Variants in ZHX2 observed in about 807,000 individuals in gnomAD.
The protein encoded by ZHX2 is zinc fingers and homeoboxes 2, also known as zinc fingers and homeoboxes protein 2.
In ZHX2, 6 loss-of-function variants were observed where a neutral mutation model predicts 21.9. The ratio of observed to expected loss-of-function variants is 0.27; its 90% CI spans 0.15 to 0.54. ZHX2 has a LOEUF of 0.54. Among genes scored for constraint, ZHX2 ranks in the 20% least tolerant of loss-of-function variants. The pLI is 0.95. For synonymous variants in ZHX2, 434 were observed against 437.1 expected (o/e 0.99, Z 0.09); for missense variants, 908 against 1,090.7 (o/e 0.83, Z 2.36).
At chr8:122,945,562 G>A (rs1450266760) in intron 2 of ZHX2, among the ~76,000 whole-genome samples, 1 of 151,210 alleles carries the variant, frequency 6.6e-6, no homozygotes, top group Non-Finnish European at 1.5e-5. Flanking sequence ...GTGGATAAAA[G>A]GAAAACTGAG....
intron 1 of ZHX2, among the ~76,000 whole-genome samples, chr8:122,816,679 C>T (rs1244586286): frequency 6.6e-6 from 1 of 151,662 alleles, no homozygotes; most frequent in Admixed American, 6.6e-5. Context: ...CTAGGGCTTA[C>T]AAAAGTCATA....
At chr8:122,829,286 T>C (rs977049597) in intron 1 of ZHX2, among the ~76,000 whole-genome samples, 16 of 152,260 alleles carry the variant, frequency 1.1e-4, no homozygotes, top group Admixed American at 3.3e-4. Flanking sequence ...GGCTATCTTA[T>C]GGTACATTCC....
At chr8:122,949,212 A>G (rs1285792011) in intron 2 of ZHX2, among the ~76,000 whole-genome samples, 2 of 152,186 alleles carry the variant, frequency 1.3e-5, no homozygotes, top group Non-Finnish European at 2.9e-5. Flanking sequence ...TAATCCAACT[A>G]TGCAGGAGGC....
intron 1 of ZHX2, among the ~76,000 whole-genome samples, chr8:122,859,052 C>T (rs940788573): frequency 6.6e-6 from 1 of 152,220 alleles, no homozygotes; most frequent in African/African-American, 2.4e-5. Flanking sequence ...AAGGAGGCAG[C>T]TCTGGTTAGA....
At chr8:122,967,364 C>T (rs1813609436) in intron 3 of ZHX2, among the ~76,000 whole-genome samples, 1 of 152,206 alleles carries the variant, frequency 6.6e-6, no homozygotes, top group South Asian at 2.1e-4. Flanking sequence ...TGCTCTCCCC[C>T]TTTCTCTAGG....
intron 1 of ZHX2, among the ~76,000 whole-genome samples, chr8:122,831,119 A>G (rs933839579): frequency 6.6e-6 from 1 of 152,228 alleles, no homozygotes; most frequent in African/African-American, 2.4e-5. Context: ...TTGTGTGACA[A>G]TATTTGCAGC....
chr8:122,858,860 CA>C (rs1819098791), intron 1 of ZHX2, among the ~76,000 whole-genome samples: 1 of 152,132 alleles, frequency 6.6e-6, no homozygotes, highest in African/African-American at 2.4e-5. Context: ...AGGCTGGTCT[CA>C]AACTCCTGAC....
chr8:122,930,709 C>T (rs914765755), intron 2 of ZHX2, among the ~76,000 whole-genome samples: 4 of 151,412 alleles, frequency 2.6e-5, no homozygotes, highest in Non-Finnish European at 4.4e-5. Context: ...AGGTTGGCCT[C>T]GAACTCCTGA....
chr8:122,805,195 A>T (rs1817799666), intron 1 of ZHX2, among the ~76,000 whole-genome samples: 1 of 152,192 alleles, frequency 6.6e-6, no homozygotes, highest in Non-Finnish European at 1.5e-5. Context: ...CCTGGAGAGA[A>T]GGAAGCCAGG....
intron 1 of ZHX2, among the ~76,000 whole-genome samples, chr8:122,819,753 G>T (rs1198896010): frequency 6.6e-6 from 1 of 152,254 alleles, no homozygotes; most frequent in African/African-American, 2.4e-5. Context: ...GCACTCCACT[G>T]GGTCAGGCCC....
chr8:122,899,870 A>T (rs1457552373), intron 2 of ZHX2, among the ~76,000 whole-genome samples: 2 of 152,228 alleles, frequency 1.3e-5, no homozygotes, highest in East Asian at 3.8e-4. Context: ...GCATGCTCAT[A>T]ATCTCATGCT....
At chr8:122,829,570 A>C (rs537877847) in intron 1 of ZHX2, among the ~76,000 whole-genome samples, 114 of 152,366 alleles carry the variant, frequency 7.5e-4, no homozygotes, top group African/African-American at 2.5e-3. Context: ...TCATTGTAAG[A>C]GTTGGGGAAA....
At chr8:122,943,136 C>T (rs928997008) in intron 2 of ZHX2, among the ~76,000 whole-genome samples, 1 of 152,110 alleles carries the variant, frequency 6.6e-6, no homozygotes, top group Non-Finnish European at 1.5e-5. Flanking sequence ...GTGGCACATG[C>T]TTATAATCCC....
intron 1 of ZHX2, among the ~76,000 whole-genome samples, chr8:122,806,014 A>G (rs1817815862): frequency 1.3e-5 from 2 of 152,284 alleles, no homozygotes; most frequent in South Asian, 4.1e-4. Context: ...TCTAACTCCC[A>G]TTCTCATCAC....
chr8:122,877,716 C>A (rs186618842), intron 2 of ZHX2, among the ~76,000 whole-genome samples: 1 of 152,198 alleles, frequency 6.6e-6, no homozygotes, highest in East Asian at 1.9e-4. Flanking sequence ...GACTTGAAGG[C>A]TGATGCATTT....
chr8:122,796,321 C>T (rs911761652), intron 1 of ZHX2, among the ~76,000 whole-genome samples: 4 of 152,156 alleles, frequency 2.6e-5, no homozygotes, highest in African/African-American at 4.8e-5. Context: ...TTTGGAGGCA[C>T]GTCTTGTCAC....
chr8:122,839,607 G>A (rs1586313273), intron 1 of ZHX2, among the ~76,000 whole-genome samples: 1 of 152,158 alleles, frequency 6.6e-6, no homozygotes, highest in Non-Finnish European at 1.5e-5. Flanking sequence ...GAGGCCTTAG[G>A]AACAGTTTAG....
At chr8:122,804,905 C>G (rs1167328265) in intron 1 of ZHX2, among the ~76,000 whole-genome samples, 1 of 152,186 alleles carries the variant, frequency 6.6e-6, no homozygotes, top group African/African-American at 2.4e-5. Context: ...CATGGATTCC[C>G]TTGTGCACAC....
chr8:122,955,285 T>C (rs1036842306), intron 3 of ZHX2, among the ~76,000 whole-genome samples: 4 of 152,094 alleles, frequency 2.6e-5, no homozygotes, highest in African/African-American at 9.7e-5. Context: ...AGGAGGAAGA[T>C]GCACGATTTG....
Sources: allele counts gnomAD v4.1 joint callset (sites outside exome capture counted in the v4.1 genomes callset), GRCh38; gene constraint gnomAD v4.1.1; transcripts MANE v1.5; gene names NCBI Gene and HGNC (gene_info 2026-07-23, HGNC 2026-07-21).